C8B: variants seen among roughly 807,000 people sequenced by gnomAD.
C8B encodes the protein complement component C8 beta chain.
C8B carries 67 observed loss-of-function variants against 64.6 expected under a neutral mutation model. The observed-to-expected ratio is 1.04, with a 90% CI of 0.85 to 1.27. The LOEUF is 1.27. Among genes scored for constraint, C8B ranks in the 50% most tolerant of loss-of-function variants. The pLI is 0.00. For synonymous variants in C8B, 284 were observed against 257.7 expected, an observed-to-expected ratio of 1.10 and a Z score of -0.98; for missense variants, 790 against 725.2, an observed-to-expected ratio of 1.09 and a Z score of -1.03.
At position 56,929,681 on chromosome 1, in the gene C8B, C is replaced by G. The variant is rs1004051498; in HGVS notation, c.1622-123G>C. 10 of 892,498 alleles carry G rather than the reference C, an allele frequency of 1.1e-5. No homozygotes were observed. In the African/African-American group the frequency reaches 1.5e-4, roughly 13 times the overall value. The allele number at this position is 892,498 out of a possible 1,614,324, so 55.3% of individuals were successfully genotyped here. A position where few individuals can be genotyped will look rare whatever the true frequency, so the allele number is the denominator to read the frequency against. On this transcript the variant is annotated intron_variant, in intron 11 of 11. Transcript: ENST00000371237. The stretch of plus-strand genomic sequence containing the variant: ...GTCTGAATCTCTGAGCTCCCTGCTG[C>G]CATTTTCCTGGCCATTGTACTTGTC...
At position 56,933,459 on chromosome 1, in the gene C8B, G is replaced by A. The variant is rs1644731303; in HGVS notation, c.1428C>T (p.Ala476=). The change falls in exon 10 of 12, where the codon GCC becomes GCT. Residue 476 remains alanine, a synonymous_variant. Coordinates refer to ENST00000371237, the MANE Select transcript of C8B (RefSeq NM_000066.4). ...CTGTGCTGGAATAGGCAAAATCTGT[G>A]GCTGTCACTAGTTCATACAGAGGCT... ...KVEPLYELVT[A]TDFAYSSTVR... is the part of the protein sequence containing the mutation. 6.2e-7 allele frequency: 1 copy of A among 1,613,850 alleles called. No individual in the cohort carries two copies. The highest frequency in any genetic ancestry group is 8.5e-7 in the Non-Finnish European group (1 of 1,179,778).
At chr1:56,934,817 G>C (rs891590514) in intron 9 of C8B, among the ~76,000 whole-genome samples, 7 of 152,128 alleles carry the variant, frequency 4.6e-5, no homozygotes, top group African/African-American at 1.7e-4. Flanking sequence ...GAGAGAGAAA[G>C]AGGGGAGCTT....
chr1:56,939,790 G>A (rs1197789686), intron 9 of C8B, among the ~76,000 whole-genome samples: 3 of 152,174 alleles, frequency 2.0e-5, no homozygotes, highest in Non-Finnish European at 4.4e-5. Flanking sequence ...TGTTTGAACC[G>A]AATAGACTCT....
rs117931856 is a variant in C8B at position 56,950,889 on chromosome 1, G to A, written c.667-1137C>T. On this transcript the variant is annotated intron_variant, in intron 5 of 11. Coordinates refer to ENST00000371237, the MANE Select transcript of C8B (RefSeq NM_000066.4). ...TACCATGTATGTCCTGCCTGAGTTA[G>A]GATCCACTTGCACCTGGATGGTAAT... Among the ~76,000 whole-genome samples, 37 of 152,266 alleles carry A rather than the reference G, an allele frequency of 2.4e-4. No individual in the cohort carries two copies. In the East Asian group the frequency reaches 5.0e-3, roughly 21 times the overall value.
chr1:56,950,652 A>T lies in C8B; in HGVS notation c.667-900T>A, dbSNP rs142359902. Reference sequence around the variant, plus strand: ...TTCGGACATGGTCTACAGCATGGCCACTGAGATGCGCTGTGTCTCTGCTCT... The same window carrying T: ...TTCGGACATGGTCTACAGCATGGCCTCTGAGATGCGCTGTGTCTCTGCTCT... On this transcript the variant is annotated intron_variant, in intron 5 of 11. Coordinates refer to ENST00000371237, the MANE Select transcript of C8B (RefSeq NM_000066.4). 1.3e-3 allele frequency among the ~76,000 whole-genome samples: 197 copies of T among 152,284 alleles called. 1 individual carries two copies. The highest frequency in any genetic ancestry group is 4.4e-3 in the African/African-American group (183 of 41,564).
intron 9 of C8B, among the ~76,000 whole-genome samples, chr1:56,936,803 G>C (rs1644782872): frequency 6.6e-6 from 1 of 151,956 alleles, no homozygotes; most frequent in African/African-American, 2.4e-5. Flanking sequence ...ATGTTGGCCA[G>C]GTTGGTCTTG....
chr1:56,947,846 G>T (rs561529381), intron 6 of C8B, among the ~76,000 whole-genome samples: 3 of 152,048 alleles, frequency 2.0e-5, no homozygotes, highest in Non-Finnish European at 4.4e-5. Context: ...CAGGAGAATC[G>T]CTTGAACCCG....
intron 1 of C8B, among the ~76,000 whole-genome samples, chr1:56,965,653 T>C (rs1645245105): frequency 6.6e-6 from 1 of 152,214 alleles, no homozygotes; most frequent in South Asian, 2.1e-4. Flanking sequence ...GTCAGTTTCT[T>C]ACAGGAACTT....
chr1:56,930,476 A>C (rs1337294722), intron 11 of C8B, among the ~76,000 whole-genome samples: 1 of 152,164 alleles, frequency 6.6e-6, no homozygotes, highest in Non-Finnish European at 1.5e-5. Flanking sequence ...ACCAATAGGA[A>C]CCCTGTGGTT....
intron 9 of C8B, among the ~76,000 whole-genome samples, chr1:56,940,080 T>G (rs915750158): frequency 2.0e-5 from 3 of 152,140 alleles, no homozygotes; most frequent in Non-Finnish European, 4.4e-5. Context: ...TGCATTTTCC[T>G]CTATCTTCCC....
intron 1 of C8B, among the ~76,000 whole-genome samples, chr1:56,964,990 T>C (rs1158060854): frequency 1.3e-5 from 2 of 152,222 alleles, no homozygotes; most frequent in Non-Finnish European, 2.9e-5. Context: ...CGAATGCTCA[T>C]CATCCTGTGG....
At chr1:56,944,353 G>T (rs1644911511) in intron 7 of C8B, among the ~76,000 whole-genome samples, 1 of 152,152 alleles carries the variant, frequency 6.6e-6, no homozygotes, top group Non-Finnish European at 1.5e-5. Flanking sequence ...AATTCTCCCT[G>T]AGGCATCCTC....
At chr1:56,942,968 C>A (rs953887761) in intron 8 of C8B, among the ~76,000 whole-genome samples, 1 of 151,564 alleles carries the variant, frequency 6.6e-6, no homozygotes, top group Admixed American at 6.6e-5. Context: ...TGGTGGCATG[C>A]ACCGGTAGTC....
chr1:56,957,080 A>G (rs1645114971), intron 2 of C8B, among the ~76,000 whole-genome samples, 170 bp from the exon 3 acceptor site: 1 of 152,102 alleles, frequency 6.6e-6, no homozygotes, highest in Admixed American at 6.5e-5. Flanking sequence ...TATATACTTA[A>G]GGAGCTATGT....
intron 1 of C8B, among the ~76,000 whole-genome samples, chr1:56,962,539 C>A (rs1300158898): frequency 3.3e-5 from 5 of 152,156 alleles, no homozygotes; most frequent in Non-Finnish European, 7.4e-5. Context: ...ACTGACTAAA[C>A]TTCTGTCATT....
intron 1 of C8B, chr1:56,963,784 T>G: frequency 2.3e-5 from 18 of 790,538 alleles, no homozygotes; most frequent in Non-Finnish European, 2.8e-5. Context: ...GGAATAGCTG[T>G]GAGGATTATA....
intron 3 of C8B, among the ~76,000 whole-genome samples, chr1:56,956,085 G>A (rs1056133284): frequency 1.6e-4 from 24 of 151,824 alleles, no homozygotes; most frequent in African/African-American, 4.4e-4. Flanking sequence ...AATTTTTACC[G>A]GGTATATCAT....
Position 56,952,054 on chromosome 1 carries a change from C to A in C8B, c.660G>T (p.Thr220=), listed in dbSNP as rs370360066. 1 of 1,614,042 alleles carries A rather than the reference C, an allele frequency of 6.2e-7. No homozygotes were observed. Among genetic ancestry groups the A allele is most frequent in the Non-Finnish European group, 8.5e-7 (1 of 1,180,014 alleles). The part of the protein sequence containing the change: ...FRKPYNVESY[T]PQTQGKYEFI... ...CTACCTGGCTGTCTCTTACCTGTGG[C>A]GTGTAGCTTTCCACATTGTAGGGCT... The change falls in exon 5 of 12, where the codon ACG becomes ACT. Residue 220 remains threonine (T), a synonymous_variant. Transcript: ENST00000371237.
At position 56,954,829 on chromosome 1, in the gene C8B, T is replaced by C. The variant is rs1442512648; in HGVS notation, c.392-2A>G. 1 of 1,614,112 alleles carries C rather than the reference T, an allele frequency of 6.2e-7. No individual in the cohort carries two copies. The highest frequency in any genetic ancestry group is 8.5e-7 in the Non-Finnish European group (1 of 1,179,986). On this transcript the variant is annotated splice_acceptor_variant, in intron 3 of 11. Coordinates refer to ENST00000371237, the MANE Select transcript of C8B (RefSeq NM_000066.4). LOFTEE classifies it high-confidence loss of function. Reference sequence around the variant, plus strand: ...GAAGTCTGCGGTTTACACACCTTCCTAGAATGGAGAAAGAGTATTACCCAC... The same window carrying C: ...GAAGTCTGCGGTTTACACACCTTCCCAGAATGGAGAAAGAGTATTACCCAC...
Sources: gnomAD v4.1 joint callset for allele counts (sites outside exome capture counted in the v4.1 genomes callset) on GRCh38, gnomAD v4.1.1 for gene constraint, MANE v1.5 for transcripts, NCBI Gene and HGNC (gene_info 2026-07-23, HGNC 2026-07-21) for gene names.